KCNQ3: variants seen among roughly 807,000 people sequenced by gnomAD.
The protein encoded by KCNQ3 is potassium voltage-gated channel subfamily Q member 3.
A neutral mutation model predicts 92.5 loss-of-function variants in KCNQ3; 30 were observed. The ratio of observed to expected loss-of-function variants is 0.32; its 90% CI spans 0.24 to 0.44. The LOEUF is 0.44. KCNQ3 is among the 20% of genes least tolerant of loss of function. The pLI is 1.00. For synonymous variants in KCNQ3, 450 were observed against 468.8 expected (o/e 0.96, Z 0.52); for missense variants, 913 against 1,140.3 (o/e 0.80, Z 2.87).
chr8:132,451,497 G>T (rs1821820994), intron 1 of KCNQ3, among the ~76,000 whole-genome samples: 1 of 152,190 alleles, frequency 6.6e-6, no homozygotes, highest in African/African-American at 2.4e-5. Flanking sequence ...TTCTATTTGT[G>T]TGACTGTCCC....
intron 1 of KCNQ3, among the ~76,000 whole-genome samples, chr8:132,261,789 C>T (rs992296603): frequency 2.0e-5 from 3 of 152,152 alleles, no homozygotes; most frequent in African/African-American, 4.8e-5. Context: ...GGCTTCTCTG[C>T]GGGTTTGCAT....
intron 1 of KCNQ3, among the ~76,000 whole-genome samples, chr8:132,424,717 G>T (rs1821064061): frequency 1.3e-5 from 2 of 152,228 alleles, no homozygotes; most frequent in Non-Finnish European, 2.9e-5. Flanking sequence ...TCCCTCCGAA[G>T]GCTCTAGAGG....
At chr8:132,336,727 G>T (rs1047742730) in intron 1 of KCNQ3, among the ~76,000 whole-genome samples, 2 of 152,132 alleles carry the variant, frequency 1.3e-5, no homozygotes, top group African/African-American at 2.4e-5. Context: ...TATTCTGTAT[G>T]TTGGGCACCC....
chr8:132,435,845 G>A (rs921907590), intron 1 of KCNQ3, among the ~76,000 whole-genome samples: 6 of 152,092 alleles, frequency 3.9e-5, no homozygotes, highest in Non-Finnish European at 7.4e-5. Context: ...AAGAACCTCA[G>A]GGCGGAAGGC....
intron 1 of KCNQ3, among the ~76,000 whole-genome samples, chr8:132,410,703 C>A (rs917738993): frequency 3.3e-5 from 5 of 152,206 alleles, no homozygotes; most frequent in Non-Finnish European, 7.4e-5. Context: ...CAGAAACTAA[C>A]AGTCACATTT....
At chr8:132,302,575 C>G (rs1471144) in intron 1 of KCNQ3, among the ~76,000 whole-genome samples, 120,417 of 152,230 alleles carry the variant, frequency 0.79, 48,128 homozygotes, top group African/African-American at 0.89. Flanking sequence ...GATGGTCCGG[C>G]TGGACAACAT....
Position 132,129,291 on chromosome 8 carries a change from C to A in KCNQ3, c.2590G>T (p.Val864Leu). Residue 864 changes from valine (V) to leucine (L), a missense_variant, in exon 15 of 15, where the codon GTA (valine) becomes TTA (leucine). Around this residue, in one of 6 missense-constraint regions of KCNQ3, gnomAD observed 375 missense variants for 376.4 expected, o/e 1.00. Coordinates refer to ENST00000388996, the MANE Select transcript of KCNQ3 (RefSeq NM_004519.4). The surrounding 1 kb of genome is among the most constrained non-coding windows in gnomAD (Gnocchi z 5.9). ...SSTGDGISDS[V>L]WTPSNKPI ...ATGGGCTTATTGGAAGGGGTCCATA[C>A]TGAATCAGAAATCCCATCCCCTGTG... The A allele has an allele frequency of 1.2e-6, 2 of 1,613,606 alleles. No individual in the cohort carries two copies. The highest frequency in any genetic ancestry group is 2.2e-5 in the South Asian group (2 of 91,082).
chr8:132,172,072 A>G (rs1260923312), intron 7 of KCNQ3, among the ~76,000 whole-genome samples: 1 of 152,044 alleles, frequency 6.6e-6, no homozygotes, highest in Non-Finnish European at 1.5e-5. Context: ...CTGTGGTCCC[A>G]ACTACTCAGG....
chr8:132,440,490 C>T (rs1821508529), intron 1 of KCNQ3, among the ~76,000 whole-genome samples: 1 of 152,162 alleles, frequency 6.6e-6, no homozygotes, highest in South Asian at 2.1e-4. Context: ...AGCCTGGCCC[C>T]GCACAGTGTA....
At chr8:132,147,474 CTG>C (rs1039964458) in intron 9 of KCNQ3, among the ~76,000 whole-genome samples, 2 of 152,116 alleles carry the variant, frequency 1.3e-5, no homozygotes, top group Non-Finnish European at 2.9e-5. Flanking sequence ...AAGTTGGTGA[CTG>C]TGTCTTTTTT....
intron 1 of KCNQ3, among the ~76,000 whole-genome samples, chr8:132,288,167 A>G (rs1274895788): frequency 6.6e-6 from 1 of 152,198 alleles, no homozygotes; most frequent in African/African-American, 2.4e-5. Context: ...TCTTGAAGGC[A>G]GCATTCTCAG....
intron 1 of KCNQ3, among the ~76,000 whole-genome samples, chr8:132,360,009 T>G (rs1187513218): frequency 6.6e-6 from 1 of 152,182 alleles, no homozygotes; most frequent in African/African-American, 2.4e-5. Context: ...CTTCCCCTGA[T>G]GCCATCTACC....
intron 1 of KCNQ3, among the ~76,000 whole-genome samples, chr8:132,423,557 C>T (rs191371137): frequency 2.6e-5 from 4 of 152,322 alleles, no homozygotes; most frequent in East Asian, 1.9e-4. Flanking sequence ...GCCAAGTCTT[C>T]GTCTGTAGCA....
At chr8:132,291,925 C>T (rs971560292) in intron 1 of KCNQ3, among the ~76,000 whole-genome samples, 4 of 152,194 alleles carry the variant, frequency 2.6e-5, no homozygotes, top group African/African-American at 9.7e-5. Flanking sequence ...AGGAAATATC[C>T]TGCAGACTGA....
intron 1 of KCNQ3, among the ~76,000 whole-genome samples, chr8:132,457,917 T>C (rs1409712374): frequency 6.6e-6 from 1 of 152,166 alleles, no homozygotes; most frequent in Non-Finnish European, 1.5e-5. Flanking sequence ...TGCTCCCACA[T>C]CTGACAGCAG....
At chr8:132,236,693 C>T (rs777387925) in intron 1 of KCNQ3, among the ~76,000 whole-genome samples, 2 of 152,116 alleles carry the variant, frequency 1.3e-5, no homozygotes, top group African/African-American at 2.4e-5. Context: ...GACTGTGTTT[C>T]CTTAGATGGC....
chr8:132,328,855 G>C (rs191848688), intron 1 of KCNQ3, among the ~76,000 whole-genome samples: 1 of 152,022 alleles, frequency 6.6e-6, no homozygotes, highest in East Asian at 1.9e-4. Flanking sequence ...CTGAATTACT[G>C]CAACACTTCC....
intron 1 of KCNQ3, among the ~76,000 whole-genome samples, chr8:132,205,452 GTTTAA>G (rs1480793318): frequency 1.3e-5 from 2 of 152,226 alleles, no homozygotes; most frequent in Non-Finnish European, 2.9e-5. Flanking sequence ...TCAGGAGGAT[GTTTAA>G]TTTAACAAAC....
Position 132,180,259 on chromosome 8 carries a change from G to A in KCNQ3, c.675C>T (p.Ser225=), listed in dbSNP as rs921121642. The change falls in exon 4 of 15, where the codon TCC becomes TCT. Residue 225 remains serine, a synonymous_variant. Transcript: ENST00000388996. The part of the protein sequence containing the change: ...VGNQGNVLAT[S]LRSLRFLQIL... ...TCTGCAGGAAGCGCAGGCTTCGCAG[G>A]GAGGTGGCCAGAACATTGCCTTGGT... is the stretch of plus-strand genomic sequence containing the variant. 6.2e-7 allele frequency: 1 copy of A among 1,614,192 alleles called. No homozygotes were observed. Among genetic ancestry groups the A allele is most frequent in the Non-Finnish European group, 8.5e-7 (1 of 1,180,038 alleles).
Sources: allele counts gnomAD v4.1 joint callset (sites outside exome capture counted in the v4.1 genomes callset), GRCh38; gene constraint gnomAD v4.1.1; regional missense constraint gnomAD v4.1.1; non-coding constraint Gnocchi (gnomAD v3.1); transcripts MANE v1.5; gene names NCBI Gene and HGNC (gene_info 2026-07-23, HGNC 2026-07-21).